Variants in RBFOX1 observed in about 807,000 individuals in gnomAD.
RBFOX1 encodes RNA binding protein fox-1 homolog 1.
Under a neutral mutation model 57.7 loss-of-function variants are expected in RBFOX1, and 8 were observed. That is an observed-to-expected ratio of 0.14 (90% CI 0.08 to 0.25). The LOEUF (loss-of-function observed/expected upper bound fraction) is 0.25. Ranked by LOEUF, RBFOX1 falls within the 10% of genes least tolerant of loss-of-function variation. The pLI, the probability that RBFOX1 is intolerant of heterozygous loss-of-function variation, is 1.00. For synonymous variants in RBFOX1, 326 were observed against 222.4 expected, an observed-to-expected ratio of 1.47 and a Z score of -4.15; for missense variants, 611 against 548.5, an observed-to-expected ratio of 1.11 and a Z score of -1.14.
chr16:6,166,917 G>A (rs746261481), intron 1 of RBFOX1, among the ~76,000 whole-genome samples: 24 of 151,916 alleles, frequency 1.6e-4, no homozygotes, highest in Non-Finnish European at 3.2e-4. Flanking sequence ...GGGACTACAG[G>A]CCTGTACCAC....
intron 2 of RBFOX1, among the ~76,000 whole-genome samples, chr16:5,517,930 CTGTGTGTGTG>C (rs71404527): frequency 3.5e-5 from 5 of 144,100 alleles, no homozygotes; most frequent in East Asian, 4.1e-4. Context: ...GCAAAAGCTA[CTGTGTGTGTG>C]TGTGTGTGTG....
At chr16:5,441,837 AACTC>A (rs1300698901) in intron 1 of RBFOX1, among the ~76,000 whole-genome samples, 2 of 152,252 alleles carry the variant, frequency 1.3e-5, no homozygotes, top group African/African-American at 4.8e-5. Context: ...ATTTCATGAG[AACTC>A]ACTCACTATC....
At chr16:6,811,782 G>C (rs2088670701) in intron 3 of RBFOX1, among the ~76,000 whole-genome samples, 1 of 152,106 alleles carries the variant, frequency 6.6e-6, no homozygotes, top group Non-Finnish European at 1.5e-5. Context: ...CCAACTACTG[G>C]GGAGGCTGAG....
intron 4 of RBFOX1, among the ~76,000 whole-genome samples, chr16:7,303,779 C>G (rs1027739734): frequency 1.4e-5 from 2 of 148,048 alleles, no homozygotes; most frequent in African/African-American, 5.0e-5. Context: ...CTCTCTCTCT[C>G]TCTGTCTCTC....
At position 6,272,562 on chromosome 16, in the gene RBFOX1, T is replaced by C. The variant is rs71392470; in HGVS notation, c.-126-44433T>C. On this transcript the variant is annotated intron_variant, in intron 1 of 15. Coordinates refer to ENST00000550418, the MANE Select transcript of RBFOX1 (RefSeq NM_018723.4). Reference sequence around the variant, plus strand: ...AATTTCTGTAAAAATCCCGGTAAGCTTTTTTGTGGATAGAGACAACACTAT... The same window carrying C: ...AATTTCTGTAAAAATCCCGGTAAGCCTTTTTGTGGATAGAGACAACACTAT... 6.5e-3 allele frequency among the ~76,000 whole-genome samples: 984 copies of C among 152,292 alleles called. 9 individuals carry two copies. Among genetic ancestry groups the C allele is most frequent in the Non-Finnish European group, 0.011 (760 of 68,018 alleles).
chr16:7,534,742 A>G (rs1035638489), intron 5 of RBFOX1, among the ~76,000 whole-genome samples: 1 of 151,668 alleles, frequency 6.6e-6, no homozygotes, highest in Non-Finnish European at 1.5e-5. Flanking sequence ...GAGACTATCC[A>G]CTCGTAGCAG....
rs138111464 is a variant in RBFOX1 at position 5,394,011 on chromosome 16, C to T, written c.220-73205C>T. Among the ~76,000 whole-genome samples the T allele has an allele frequency of 4.6e-3, 706 of 152,138 alleles. 9 individuals carry two copies. Among genetic ancestry groups the T allele is most frequent in the Non-Finnish European group, 4.8e-3 (324 of 67,996 alleles). On this transcript the variant is annotated intron_variant, in intron 1 of 2. Coordinates refer to the RBFOX1 transcript ENST00000585867. ...GTCTGGCTGATTTCGCTTAGCATAG[C>T]CATTTCTTTTTCTTTTTTTTCTTTT...
chr16:7,364,588 A>C (rs1016560482), intron 4 of RBFOX1, among the ~76,000 whole-genome samples: 3 of 150,490 alleles, frequency 2.0e-5, no homozygotes, highest in Admixed American at 6.6e-5. Context: ...AAAAAAAAAA[A>C]ACAAAAAAAA....
At position 6,780,119 on chromosome 16, in the gene RBFOX1, TTA is replaced by T. The variant is rs1161696294; in HGVS notation, c.-16+125479_-16+125480del. 9.3e-4 allele frequency among the ~76,000 whole-genome samples: 28 copies of T among 30,258 alleles called. 4 individuals are homozygous for T. Among genetic ancestry groups the T allele is most frequent in the South Asian group, 3.3e-3 (2 of 614 alleles). The allele number at this position is 30,258 out of a possible 152,430, so 19.9% of individuals were successfully genotyped here. ...TATATTTTTATATATTTATATATAT[TTA>T]TATATATATTTATATATTTATATAT... On this transcript the variant is annotated intron_variant, in intron 3 of 15. Coordinates refer to ENST00000550418, the MANE Select transcript of RBFOX1 (RefSeq NM_018723.4).
chr16:6,010,061 G>A (rs1000342910), intron 4 of RBFOX1, among the ~76,000 whole-genome samples: 1 of 152,110 alleles, frequency 6.6e-6, no homozygotes, highest in South Asian at 2.1e-4. Context: ...GCTGCTGCAG[G>A]AAAGCTAACA....
chr16:5,469,332 C>G (rs372330914), intron 2 of RBFOX1, among the ~76,000 whole-genome samples: 78 of 152,264 alleles, frequency 5.1e-4, no homozygotes, highest in African/African-American at 1.7e-3. Flanking sequence ...GGGAGGTGGG[C>G]TCTGTTAAAA....
intron 3 of RBFOX1, among the ~76,000 whole-genome samples, chr16:7,023,451 C>G (rs895570767): frequency 4.1e-5 from 6 of 147,884 alleles, no homozygotes; most frequent in Non-Finnish European, 8.9e-5. Flanking sequence ...CAGAGTGAGA[C>G]TCCATCTCAA....
intron 3 of RBFOX1, among the ~76,000 whole-genome samples, chr16:6,890,374 C>T (rs1289385045): frequency 1.3e-5 from 2 of 152,114 alleles, no homozygotes; most frequent in Non-Finnish European, 2.9e-5. Context: ...CGAAAATTAG[C>T]TGGGCGTGGT....
intron 3 of RBFOX1, among the ~76,000 whole-genome samples, chr16:5,683,563 C>G (rs1182944806): frequency 6.6e-6 from 1 of 151,894 alleles, no homozygotes; most frequent in Non-Finnish European, 1.5e-5. Flanking sequence ...AGAGATGGGC[C>G]TAGCTTCCAA....
In RBFOX1 at chr16:5,282,565, A is replaced by G. The variant is rs9933731; in HGVS notation, c.219+42460A>G. ...TGTGTCAGATGGAAATAAGGAACTT[A>G]TCAGGAACTGGCACAAAGGTGACTC... On this transcript the variant is annotated intron_variant, in intron 1 of 2. Transcript: ENST00000585867. Among the ~76,000 whole-genome samples the G allele has an allele frequency of 1.2e-3, 183 of 152,070 alleles. 1 individual carries two copies. The highest frequency in any genetic ancestry group is 4.2e-3 in the African/African-American group (176 of 41,450).
intron 2 of RBFOX1, among the ~76,000 whole-genome samples, chr16:6,332,262 T>G (rs1185089061): frequency 6.6e-6 from 1 of 152,202 alleles, no homozygotes; most frequent in Non-Finnish European, 1.5e-5. Context: ...AAGAGCTAAA[T>G]TCGATCAACC....
At position 7,141,012 on chromosome 16, in the gene RBFOX1, C is replaced by T. The variant is rs544764375; in HGVS notation, c.27+88914C>T. On this transcript the variant is annotated intron_variant, in intron 4 of 15. Transcript: ENST00000550418. ...CCCTCGTTGGAAGTAATAATGAAGC[C>T]TCCTCCAGCTTTGCAGAGCTCTGCC... Among the ~76,000 whole-genome samples, 16 of 152,242 alleles carry T rather than the reference C, an allele frequency of 1.1e-4. 1 individual carries two copies. The South Asian group carries it at 3.1e-3, about 30-fold the overall frequency.
intron 1 of RBFOX1, among the ~76,000 whole-genome samples, chr16:6,316,130 C>G (rs1339624562): frequency 2.0e-5 from 3 of 152,182 alleles, no homozygotes; most frequent in Non-Finnish European, 2.9e-5. Flanking sequence ...GTAGTCCCGT[C>G]TCTGCTACTT....
intron 1 of RBFOX1, among the ~76,000 whole-genome samples, chr16:6,116,841 A>AGAGG: frequency 6.6e-6 from 1 of 152,232 alleles, no homozygotes; most frequent in South Asian, 2.1e-4. Flanking sequence ...ATTGGGAGAC[A>AGAGG]GAGGGAGAGA....
Sources: gnomAD v4.1 joint callset for allele counts (sites outside exome capture counted in the v4.1 genomes callset) on GRCh38, gnomAD v4.1.1 for gene constraint, MANE v1.5 for transcripts, NCBI Gene and HGNC (gene_info 2026-07-23, HGNC 2026-07-21) for gene names.